The following AXDND1 variants were observed in gnomAD, a reference collection of about 807,000 sequenced individuals.
AXDND1 encodes axonemal dynein light chain domain containing 1, also known as axonemal dynein light chain domain-containing protein 1.
Under a neutral mutation model 137.5 loss-of-function variants are expected in AXDND1, and 110 were observed. The observed-to-expected ratio is 0.80, with a 90% CI of 0.69 to 0.94. The LOEUF (loss-of-function observed/expected upper bound fraction) is 0.94. Ranked by LOEUF, AXDND1 falls within the 40% of genes least tolerant of loss-of-function variation. The pLI, the probability that AXDND1 is intolerant of heterozygous loss-of-function variation, is 0.00. For missense variants in AXDND1, 1,191 were observed against 1,169.8 expected (o/e 1.02, Z -0.26); for synonymous variants, 414 against 399.7 (o/e 1.04, Z -0.43).
At chr1:179,460,878 G>A (rs1480878912) in intron 16 of AXDND1, among the ~76,000 whole-genome samples, 4 of 152,072 alleles carry the variant, frequency 2.6e-5, no homozygotes, top group Non-Finnish European at 2.9e-5. Flanking sequence ...CATATCCTTC[G>A]CCCACTTGTT....
At chr1:179,373,363 G>A (rs1668234520) in intron 4 of AXDND1, among the ~76,000 whole-genome samples, 1 of 152,154 alleles carries the variant, frequency 6.6e-6, no homozygotes, top group Non-Finnish European at 1.5e-5. Flanking sequence ...CATGCTCATG[G>A]ATAGGAAGAA....
At chr1:179,532,721 TA>T (rs946866650) in intron 23 of AXDND1, among the ~76,000 whole-genome samples, 6 of 151,310 alleles carry the variant, frequency 4.0e-5, no homozygotes, top group Non-Finnish European at 7.4e-5. Flanking sequence ...AATCTCTACC[TA>T]AAAAAATTAA....
intron 16 of AXDND1, among the ~76,000 whole-genome samples, chr1:179,466,132 C>T (rs888161502): frequency 5.9e-5 from 9 of 152,126 alleles, no homozygotes; most frequent in African/African-American, 1.4e-4. Context: ...CACTGTCAGA[C>T]GAGCCCCAGT....
chr1:179,474,459 A>G (rs1664359746), intron 17 of AXDND1, among the ~76,000 whole-genome samples: 1 of 152,216 alleles, frequency 6.6e-6, no homozygotes, highest in Admixed American at 6.5e-5. Context: ...TTTTGACCAA[A>G]ATGCTGATAG....
At chr1:179,405,764 T>C (rs907908580) in intron 11 of AXDND1, among the ~76,000 whole-genome samples, 2 of 152,090 alleles carry the variant, frequency 1.3e-5, no homozygotes, top group Admixed American at 6.5e-5. Context: ...TCTCTTTTTT[T>C]CTTGGGTAGT....
chr1:179,506,463 T>A (rs1181430978), intron 20 of AXDND1, among the ~76,000 whole-genome samples: 1 of 152,168 alleles, frequency 6.6e-6, no homozygotes, highest in African/African-American at 2.4e-5. Flanking sequence ...CTGTGCACAG[T>A]AGCTCACACC....
chr1:179,429,126 G>A (rs1164680932), intron 12 of AXDND1, among the ~76,000 whole-genome samples: 1 of 151,788 alleles, frequency 6.6e-6, no homozygotes, highest in Admixed American at 6.6e-5. Flanking sequence ...GCAGTGAGCC[G>A]AGATTGCGCC....
intron 18 of AXDND1, among the ~76,000 whole-genome samples, chr1:179,485,064 C>T (rs923081928): frequency 5.3e-5 from 8 of 152,238 alleles, no homozygotes; most frequent in African/African-American, 1.9e-4. Context: ...TCTGCCAGCA[C>T]TCGGCCCCCA....
chr1:179,385,675 C>T (rs571088246), intron 9 of AXDND1, among the ~76,000 whole-genome samples: 14 of 152,188 alleles, frequency 9.2e-5, no homozygotes, highest in African/African-American at 2.4e-4. Flanking sequence ...AGGGCCATTG[C>T]GGGGAGACAC....
intron 6 of AXDND1, among the ~76,000 whole-genome samples, chr1:179,379,996 T>TC (rs1165539002): frequency 6.6e-6 from 1 of 152,138 alleles, no homozygotes; most frequent in Non-Finnish European, 1.5e-5. Flanking sequence ...ACGCCTGTAA[T>TC]CCCAGCACTT....
At chr1:179,517,484 A>G (rs1339333781) in intron 21 of AXDND1, among the ~76,000 whole-genome samples, 4 of 152,182 alleles carry the variant, frequency 2.6e-5, no homozygotes. Context: ...CGCCCGATTC[A>G]AATTGTTACA....
chr1:179,519,227 A>T (rs999178558), intron 21 of AXDND1, among the ~76,000 whole-genome samples: 2 of 151,966 alleles, frequency 1.3e-5, no homozygotes, highest in Non-Finnish European at 2.9e-5. Context: ...CCACTTTTTT[A>T]TGGGGTTGTT....
chr1:179,539,524 C>T (rs1224947403), intron 25 of AXDND1, among the ~76,000 whole-genome samples: 2 of 152,194 alleles, frequency 1.3e-5, no homozygotes, highest in Non-Finnish European at 2.9e-5. Flanking sequence ...GGCCTCCACT[C>T]TCTTCTGGCT....
At chr1:179,420,639 C>CT (rs113126689) in intron 12 of AXDND1, among the ~76,000 whole-genome samples, 47,132 of 142,222 alleles carry the variant, frequency 0.33, 7,901 homozygotes, top group Middle Eastern at 0.43. Context: ...TGAGGTTTTC[C>CT]TTTTTTTTTT....
chr1:179,381,343 A>AC (rs1648269424), intron 6 of AXDND1, among the ~76,000 whole-genome samples: 1 of 106,220 alleles, frequency 9.4e-6, no homozygotes, highest in South Asian at 3.1e-4. Context: ...CACATGGCTG[A>AC]TTTTTTTTTT....
chr1:179,484,063 G>T (rs61826055), intron 18 of AXDND1, among the ~76,000 whole-genome samples: 20,951 of 152,134 alleles, frequency 0.14, 1,587 homozygotes, highest in East Asian at 0.35. Context: ...TGGAAACCCT[G>T]CACAGGGATA....
chr1:179,534,966 A>AG lies in AXDND1; in HGVS notation c.3031+6dup. The AG allele has an allele frequency of 6.2e-7, 1 of 1,605,172 alleles. No individual in the cohort carries two copies. The highest frequency in any genetic ancestry group is 8.5e-7 in the Non-Finnish European group (1 of 1,177,794). ...TCCTCAAAATCTCCAAAGAAAGGTA[A>AG]GGATTGCTTCGTATTTTGCTTTATT... On this transcript the variant is annotated splice_donor_region_variant and intron_variant, in intron 25 of 25. Coordinates refer to ENST00000367618, the MANE Select transcript of AXDND1 (RefSeq NM_144696.6).
At chr1:179,540,714 G>T (rs1029867698) in intron 25 of AXDND1, among the ~76,000 whole-genome samples, 2 of 152,198 alleles carry the variant, frequency 1.3e-5, no homozygotes. Flanking sequence ...ATCAGAGCTC[G>T]ATCGCCATGC....
At chr1:179,448,161 C>G (rs1460381489) in intron 16 of AXDND1, 3 of 931,122 alleles carry the variant, frequency 3.2e-6, no homozygotes, top group African/African-American at 1.6e-5. Context: ...AGGGTCTGAG[C>G]TGTCGCACCC....
Sources: allele counts gnomAD v4.1 joint callset (sites outside exome capture counted in the v4.1 genomes callset), GRCh38; gene constraint gnomAD v4.1.1; transcripts MANE v1.5; gene names NCBI Gene and HGNC (gene_info 2026-07-23, HGNC 2026-07-21).